Variants in KIF18A observed in about 807,000 individuals in gnomAD.
KIF18A encodes kinesin family member 18A, also known as kinesin-like protein KIF18A.
Under a neutral mutation model 103.3 loss-of-function variants are expected in KIF18A, and 67 were observed. The observed-to-expected ratio is 0.65, with a 90% CI of 0.53 to 0.79. The LOEUF (loss-of-function observed/expected upper bound fraction) is 0.79. KIF18A is among the 30% of genes least tolerant of loss of function. The pLI is 0.00. For synonymous variants in KIF18A, 367 were observed against 355.5 expected (o/e 1.03, Z -0.36); for missense variants, 1,032 against 1,062.5 (o/e 0.97, Z 0.40).
chr11:28,040,778 T>A (rs1368207404), intron 13 of KIF18A, among the ~76,000 whole-genome samples: 2 of 151,760 alleles, frequency 1.3e-5, no homozygotes, highest in African/African-American at 4.8e-5. Flanking sequence ...TAGCAATGTA[T>A]GTTATGGTTT....
At chr11:28,026,017 A>G (rs1850313989) in intron 15 of KIF18A, among the ~76,000 whole-genome samples, 1 of 151,868 alleles carries the variant, frequency 6.6e-6, no homozygotes, top group South Asian at 2.1e-4. Flanking sequence ...CCAATCAACC[A>G]AACAAATACA....
At chr11:28,051,702 T>C (rs1310663944) in intron 13 of KIF18A, among the ~76,000 whole-genome samples, 1 of 152,070 alleles carries the variant, frequency 6.6e-6, no homozygotes, top group Non-Finnish European at 1.5e-5. Flanking sequence ...AGTTATACTA[T>C]GTATATTACA....
intron 5 of KIF18A, 39 bp from the exon 6 acceptor site, chr11:28,088,760 A>G: frequency 2.7e-6 from 4 of 1,488,786 alleles, no homozygotes; most frequent in Non-Finnish European, 3.7e-6. Flanking sequence ...TGAGGATAAG[A>G]TTTAACAAAA....
At chr11:28,037,546 A>T (rs796639164) in intron 13 of KIF18A, among the ~76,000 whole-genome samples, 1 of 151,502 alleles carries the variant, frequency 6.6e-6, no homozygotes, top group Admixed American at 6.6e-5. Flanking sequence ...GGATTTTGGT[A>T]TCTGGGAGGG....
At chr11:28,026,499 A>C (rs1850323439) in intron 15 of KIF18A, among the ~76,000 whole-genome samples, 1 of 151,734 alleles carries the variant, frequency 6.6e-6, no homozygotes, top group Non-Finnish European at 1.5e-5. Context: ...CTGGTACCAG[A>C]GGGAATGTAA....
At chr11:28,060,154 A>G (rs1465012099) in intron 12 of KIF18A, among the ~76,000 whole-genome samples, 1 of 152,186 alleles carries the variant, frequency 6.6e-6, no homozygotes, top group Non-Finnish European at 1.5e-5. Flanking sequence ...AAGAAATGTC[A>G]CAGCTAAACA....
At chr11:28,090,185 T>C (rs1249449633) in intron 5 of KIF18A, among the ~76,000 whole-genome samples, 1 of 152,196 alleles carries the variant, frequency 6.6e-6, no homozygotes, top group East Asian at 1.9e-4. Context: ...TAAGACTTAC[T>C]GTGCCAACTG....
At chr11:28,067,113 C>T (rs908709877) in intron 11 of KIF18A, among the ~76,000 whole-genome samples, 2 of 151,804 alleles carry the variant, frequency 1.3e-5, no homozygotes, top group African/African-American at 4.8e-5. Context: ...CTACTATATG[C>T]CAGAATTACC....
intron 1 of KIF18A, among the ~76,000 whole-genome samples, chr11:28,104,188 T>C (rs1055925164): frequency 6.6e-6 from 1 of 152,202 alleles, no homozygotes; most frequent in African/African-American, 2.4e-5. Flanking sequence ...TATGCACTGA[T>C]ACTTTCTTCA....
chr11:28,097,516 T>C, intron 2 of KIF18A, 107 bp downstream of exon 2: 2 of 776,986 alleles, frequency 2.6e-6, no homozygotes, highest in Non-Finnish European at 4.5e-6. Context: ...ATTTTTAGCA[T>C]ACAAGCTCCT....
chr11:28,062,633 A>G, intron 11 of KIF18A, 117 bp from the exon 12 acceptor site: 2 of 760,578 alleles, frequency 2.6e-6, no homozygotes, highest in Non-Finnish European at 3.7e-6. Flanking sequence ...ATTAAATAAT[A>G]TGTTTAGAAA....
rs533405787 is a variant in KIF18A, at chr11:28,073,326, A to G, written c.1425+3681T>C. On this transcript the variant is annotated intron_variant, in intron 10 of 16. Transcript: ENST00000263181. ...GGTCAAACTCAGCAGAGCAAGTCACATTTGTTGGACAATATGTATAGAAAT... is the reference window on the plus strand; with the variant it reads ...GGTCAAACTCAGCAGAGCAAGTCACGTTTGTTGGACAATATGTATAGAAAT... Among the ~76,000 whole-genome samples, 3 of 152,188 alleles carry G rather than the reference A, an allele frequency of 2.0e-5. No individual in the cohort carries two copies. The East Asian group carries it at 5.8e-4, about 30-fold the overall frequency.
At chr11:28,078,170 G>A (rs1294883756) in intron 9 of KIF18A, among the ~76,000 whole-genome samples, 2 of 151,898 alleles carry the variant, frequency 1.3e-5, no homozygotes, top group African/African-American at 2.4e-5. Flanking sequence ...AAGGATCAGC[G>A]GTAAAAACAC....
chr11:28,077,240 A>G, intron 9 of KIF18A, 71 bp from the exon 10 acceptor site: 1 of 1,068,928 alleles, frequency 9.4e-7, no homozygotes, highest in Non-Finnish European at 1.3e-6. Context: ...TACTTAAGAG[A>G]AATGCATAAA....
intron 10 of KIF18A, chr11:28,076,621 T>C (rs903452322): frequency 6.5e-6 from 1 of 152,794 alleles, no homozygotes; most frequent in Non-Finnish European, 1.5e-5. Context: ...GCCTTGACTA[T>C]AAAATTTCCA....
intron 10 of KIF18A, among the ~76,000 whole-genome samples, chr11:28,069,691 CTT>C (rs559491385): frequency 4.8e-5 from 7 of 144,500 alleles, no homozygotes; most frequent in Admixed American, 1.4e-4. Context: ...AAGACTATAA[CTT>C]TTTTTTTTTT....
intron 1 of KIF18A, among the ~76,000 whole-genome samples, chr11:28,102,072 G>C (rs1851452486): frequency 6.6e-6 from 1 of 152,154 alleles, no homozygotes; most frequent in African/African-American, 2.4e-5. Context: ...GCCCTGCAAA[G>C]TTTCTTGTTG....
At chr11:28,050,598 C>T (rs987150412) in intron 13 of KIF18A, among the ~76,000 whole-genome samples, 1 of 151,730 alleles carries the variant, frequency 6.6e-6, no homozygotes, top group East Asian at 1.9e-4. Context: ...AAATCACTGA[C>T]ATTGGGTGCA....
intron 13 of KIF18A, among the ~76,000 whole-genome samples, chr11:28,057,253 C>T (rs937424750): frequency 6.6e-6 from 1 of 152,090 alleles, no homozygotes; most frequent in South Asian, 2.1e-4. Flanking sequence ...CGGTGGCTCA[C>T]GCCTGTAATC....
Sources: gnomAD v4.1 joint callset for allele counts (sites outside exome capture counted in the v4.1 genomes callset) on GRCh38, gnomAD v4.1.1 for gene constraint, MANE v1.5 for transcripts, NCBI Gene and HGNC (gene_info 2026-07-23, HGNC 2026-07-21) for gene names.